RMND5A: variants seen among roughly 807,000 people sequenced by gnomAD.
RMND5A encodes the protein E3 ubiquitin-protein transferase RMND5A.
Under a neutral mutation model 49.7 loss-of-function variants are expected in RMND5A, and 17 were observed. The ratio of observed to expected loss-of-function variants is 0.34; its 90% CI spans 0.23 to 0.51. The LOEUF is 0.51. RMND5A is among the 20% of genes least tolerant of loss of function. RMND5A has a pLI of 0.96. For missense variants in RMND5A, 255 were observed against 471.3 expected (o/e 0.54, Z 4.25); for synonymous variants, 156 against 167.7 (o/e 0.93, Z 0.54).
At chr2:86,724,128 G>T (rs1681261335) in intron 1 of RMND5A, among the ~76,000 whole-genome samples, 1 of 147,944 alleles carries the variant, frequency 6.8e-6, no homozygotes, top group African/African-American at 2.6e-5. Context: ...CTGGTATCAG[G>T]CCTGCAGCAG....
chr2:86,773,326 G>T, intron 8 of RMND5A, 22 bp from the exon 9 acceptor site: 1 of 1,507,558 alleles, frequency 6.6e-7, no homozygotes, highest in South Asian at 1.1e-5. Flanking sequence ...CCTTCACTCA[G>T]TGTTTTCTTC....
In RMND5A at chr2:86,732,622, A is replaced by G. The variant is rs535052369; in HGVS notation, c.143-8305A>G. On this transcript the variant is annotated intron_variant, in intron 1 of 8. Coordinates refer to ENST00000283632, the MANE Select transcript of RMND5A (RefSeq NM_022780.4). ...CTTTGTGCAAACCAGTCACCCTTTTAATGTGTACGTTTGTTATACCTTCCT... is the reference window on the plus strand; with the variant it reads ...CTTTGTGCAAACCAGTCACCCTTTTGATGTGTACGTTTGTTATACCTTCCT... Among the ~76,000 whole-genome samples the G allele has an allele frequency of 1.2e-4, 18 of 149,978 alleles. 2 individuals carry two copies. Among genetic ancestry groups the G allele is most frequent in the African/African-American group, 4.3e-4 (17 of 39,414 alleles).
chr2:86,745,730 T>G (rs1299415661), intron 2 of RMND5A, among the ~76,000 whole-genome samples: 1 of 152,216 alleles, frequency 6.6e-6, no homozygotes, highest in African/African-American at 2.4e-5. Flanking sequence ...ATGTTCCAGA[T>G]AGTGAGCTAA....
At chr2:86,753,401 C>A in intron 3 of RMND5A, 57 bp from the exon 4 acceptor site, 1 of 1,001,306 alleles carries the variant, frequency 1.0e-6, no homozygotes, top group Non-Finnish European at 1.6e-6. Context: ...ACTTTTACCA[C>A]TAGCTCCTTA....
At chr2:86,772,510 ATC>A (rs1672700998) in intron 8 of RMND5A, among the ~76,000 whole-genome samples, 3 of 152,142 alleles carry the variant, frequency 2.0e-5, no homozygotes, top group Admixed American at 2.0e-4. Flanking sequence ...TAAGTGAATT[ATC>A]TATACCTGAT....
Position 86,777,817 on chromosome 2 carries a change from C to T in RMND5A, c.*4406C>T, listed in dbSNP as rs1488946497. The stretch of plus-strand genomic sequence containing the variant: ...TATTTAACACAAACCACATCCATAT[C>T]CTCTGTTCATTTGATTTTGGAAAAA... On this transcript the variant is annotated 3_prime_UTR_variant, in exon 9 of 9. Transcript: ENST00000283632. 6.6e-6 allele frequency: 1 copy of T among 152,128 alleles called. No homozygotes were observed. The highest frequency in any genetic ancestry group is 2.4e-5 in the African/African-American group (1 of 41,404). The allele number at this position is 152,128 out of a possible 1,614,324, so 9.4% of individuals were successfully genotyped here. A position where few individuals can be genotyped will look rare whatever the true frequency, so the allele number is the denominator to read the frequency against.
chr2:86,753,401 C>G lies in RMND5A; in HGVS notation c.421-57C>G, dbSNP rs551350529. On this transcript the variant is annotated intron_variant, in intron 3 of 8. Transcript: ENST00000283632. ...TACAATCTAGAATATACTTTTACCA[C>G]TAGCTCCTTACCCTGATTACTGCTA... 8 of 1,001,306 alleles carry G rather than the reference C, an allele frequency of 8.0e-6. 1 individual carries two copies. Among genetic ancestry groups the G allele is most frequent in the South Asian group, 5.6e-5 (4 of 71,950 alleles). 62.0% of individuals were successfully genotyped at this position (1,001,306 alleles called of 1,614,324 possible).
intron 6 of RMND5A, 85 bp from the exon 7 acceptor site, chr2:86,769,938 T>G (rs1425434448): frequency 1.2e-5 from 11 of 905,446 alleles, no homozygotes; most frequent in Non-Finnish European, 1.8e-5. Context: ...CTGCAGCACA[T>G]AGAGTCTGGA....
At chr2:86,771,785 A>G in intron 8 of RMND5A, 73 bp downstream of exon 8, 1 of 1,250,874 alleles carries the variant, frequency 8.0e-7, no homozygotes, top group Non-Finnish European at 1.1e-6. Context: ...ATAAGAAGTG[A>G]TGAGGATTAA....
At position 86,728,463 on chromosome 2, in the gene RMND5A, A is replaced by G. The variant is rs1361002031; in HGVS notation, c.142+7654A>G. On this transcript the variant is annotated intron_variant, in intron 1 of 8. Coordinates refer to ENST00000283632, the MANE Select transcript of RMND5A (RefSeq NM_022780.4). ...CTGGGATTACAGGTGTGCACAATGC[A>G]TGGCTAATTTTTGTATTTTTAGTAG... 2.6e-5 allele frequency among the ~76,000 whole-genome samples: 2 copies of G among 76,418 alleles called. 1 individual carries two copies. Among genetic ancestry groups the G allele is most frequent in the African/African-American group, 9.8e-5 (2 of 20,374 alleles). The allele number at this position is 76,418 out of a possible 152,430, so 50.1% of individuals were successfully genotyped here. A position where few individuals can be genotyped will look rare whatever the true frequency, so the allele number is the denominator to read the frequency against.
intron 6 of RMND5A, among the ~76,000 whole-genome samples, chr2:86,767,532 C>T (rs1558726981): frequency 6.6e-6 from 1 of 151,624 alleles, no homozygotes. Context: ...TCTCCTGCCT[C>T]AGGCTCCTGA....
chr2:86,768,215 G>A (rs1005232530), intron 6 of RMND5A, among the ~76,000 whole-genome samples: 17 of 152,122 alleles, frequency 1.1e-4, no homozygotes, highest in Non-Finnish European at 2.1e-4. Context: ...GCATATAAAG[G>A]GGTCCTGAAA....
chr2:86,745,610 GAT>G (rs751523847), intron 2 of RMND5A, among the ~76,000 whole-genome samples: 2 of 152,202 alleles, frequency 1.3e-5, no homozygotes, highest in Non-Finnish European at 2.9e-5. Context: ...GATTTGATCA[GAT>G]GATGAAAGCA....
At chr2:86,762,736 C>CAT (rs1411068817) in intron 4 of RMND5A, among the ~76,000 whole-genome samples, 3 of 71,724 alleles carry the variant, frequency 4.2e-5, no homozygotes, top group African/African-American at 4.7e-5. Flanking sequence ...TCATATATAT[C>CAT]ATATATATAT....
Position 86,776,519 on chromosome 2 carries a change from C to T in RMND5A, c.*3108C>T, listed in dbSNP as rs1291554585. On this transcript the variant is annotated 3_prime_UTR_variant, in exon 9 of 9. Coordinates refer to ENST00000283632, the MANE Select transcript of RMND5A (RefSeq NM_022780.4). The stretch of plus-strand genomic sequence containing the variant: ...CTCTTTTGTCCTCTCCAGGTAGTCT[C>T]GCAGGTTATGCAGCTTAAGTTCAGT... 3 of 152,190 alleles carry T rather than the reference C, an allele frequency of 2.0e-5. No homozygotes were observed. Among genetic ancestry groups the T allele is most frequent in the African/African-American group, 4.8e-5 (2 of 41,440 alleles). 9.4% of individuals were successfully genotyped at this position (152,190 alleles called of 1,614,324 possible).
At chr2:86,756,346 C>G (rs1681739786) in intron 4 of RMND5A, among the ~76,000 whole-genome samples, 1 of 151,988 alleles carries the variant, frequency 6.6e-6, no homozygotes, top group African/African-American at 2.4e-5. Context: ...TGAACCAAGA[C>G]CACACCACCA....
At chr2:86,720,881 A>G (rs1573424213) in intron 1 of RMND5A, 72 bp downstream of exon 1, 2 of 1,410,972 alleles carry the variant, frequency 1.4e-6, no homozygotes, top group East Asian at 5.3e-5. Flanking sequence ...CGCGGCGGGA[A>G]TCCCTCACCC....
At chr2:86,751,741 A>G (rs529718945) in intron 2 of RMND5A, among the ~76,000 whole-genome samples, 155 bp from the exon 3 acceptor site, 8 of 152,358 alleles carry the variant, frequency 5.3e-5, no homozygotes, top group Admixed American at 5.2e-4. Context: ...CAAGTTTTAG[A>G]AAGGAGCAGT....
At chr2:86,761,528 G>A (rs989721314) in intron 4 of RMND5A, among the ~76,000 whole-genome samples, 8 of 152,130 alleles carry the variant, frequency 5.3e-5, no homozygotes, top group Non-Finnish European at 1.0e-4. Flanking sequence ...GTTTGGGAGA[G>A]TTAAAAGTGG....
Sources: allele counts gnomAD v4.1 joint callset (sites outside exome capture counted in the v4.1 genomes callset), GRCh38; gene constraint gnomAD v4.1.1; transcripts MANE v1.5; gene names NCBI Gene and HGNC (gene_info 2026-07-23, HGNC 2026-07-21).